The following ZCCHC14 variants were observed in gnomAD, a reference collection of about 807,000 sequenced individuals.
ZCCHC14 encodes the protein zinc finger CCHC-type containing 14, also known as zinc finger CCHC domain-containing protein 14.
Under a neutral mutation model 85.0 loss-of-function variants are expected in ZCCHC14, and 16 were observed. The ratio of observed to expected loss-of-function variants is 0.19; its 90% confidence interval spans 0.13 to 0.29. ZCCHC14 has a LOEUF of 0.29. Ranked by LOEUF, ZCCHC14 falls within the 10% of genes least tolerant of loss-of-function variation. The probability of loss-of-function intolerance (pLI) is 1.00; values close to 1 mark genes in which losing one functional copy is unlikely to be tolerated. For synonymous variants in ZCCHC14, 775 were observed against 630.7 expected (o/e 1.23, Z -3.43); for missense variants, 1,303 against 1,443.5 (o/e 0.90, Z 1.58).
intron 1 of ZCCHC14, among the ~76,000 whole-genome samples, chr16:87,475,026 A>C (rs745353842): frequency 6.6e-6 from 1 of 152,232 alleles, no homozygotes; most frequent in Non-Finnish European, 1.5e-5. Context: ...CAGATCACTC[A>C]CAAAATCCAA....
intron 1 of ZCCHC14, among the ~76,000 whole-genome samples, chr16:87,476,869 G>A (rs1228498973): frequency 1.3e-5 from 2 of 151,942 alleles, no homozygotes; most frequent in African/African-American, 2.4e-5. Flanking sequence ...GCTCGTGCCT[G>A]TAATCCCAGC....
chr16:87,421,483 AG>A (rs1377954908), intron 4 of ZCCHC14, among the ~76,000 whole-genome samples: 8 of 152,170 alleles, frequency 5.3e-5, no homozygotes. Context: ...CAAGGCACTG[AG>A]GAAGTGCCAC....
intron 2 of ZCCHC14, among the ~76,000 whole-genome samples, chr16:87,456,871 CAA>C (rs1453156899): frequency 6.6e-6 from 1 of 152,160 alleles, no homozygotes; most frequent in East Asian, 1.9e-4. Context: ...GGTATATAAA[CAA>C]GTTTAATGAA....
In ZCCHC14 at chr16:87,412,909, G is replaced by A; in HGVS notation, c.1812C>T (p.Ser604=). 1 of 1,601,512 alleles carries A rather than the reference G, an allele frequency of 6.2e-7. No individual in the cohort carries two copies. The change falls in exon 12 of 13, where the codon TCC becomes TCT. Residue 604 remains serine, a synonymous_variant. Coordinates refer to ENST00000671377, the MANE Select transcript of ZCCHC14 (RefSeq NM_015144.3). ...KPVMLLNHFT[S]SSARPTAQVL... The stretch of plus-strand genomic sequence containing the variant: ...CCTGGGCCGTGGGTCTGGCGGAACT[G>A]GAAGTGAAGTGATTCAGCAGCATCA...
At chr16:87,481,543 G>A (rs1195664940) in intron 1 of ZCCHC14, among the ~76,000 whole-genome samples, 1 of 16,774 alleles carries the variant, frequency 6.0e-5, no homozygotes. Context: ...GGGGGGGGGT[G>A]GGGGGGGGGA....
At position 87,412,959 on chromosome 16, in the gene ZCCHC14, C is replaced by A; in HGVS notation, c.1762G>T (p.Glu588Ter). Residue 588 changes from glutamate (E) to a stop codon, truncating the protein, a stop_gained, in exon 12 of 13, where the codon GAG becomes TAG. Transcript: ENST00000671377. LOFTEE classifies it high-confidence loss of function. ...ENDRRVEIHLESSDKEKPVML... is the reference protein window; with the variant it reads ...ENDRRVEIHL The stretch of plus-strand genomic sequence containing the variant: ...ACCGGCTTCTCCTTGTCAGAGCTCT[C>A]CAAGTGAATCTCCACACCTAGAGAG... 1.2e-6 allele frequency: 2 copies of A among 1,610,412 alleles called. No individual in the cohort carries two copies. Among genetic ancestry groups the A allele is most frequent in the Non-Finnish European group, 1.7e-6 (2 of 1,178,138 alleles).
intron 1 of ZCCHC14, among the ~76,000 whole-genome samples, chr16:87,469,466 G>A (rs891022351): frequency 2.0e-5 from 3 of 152,194 alleles, no homozygotes; most frequent in African/African-American, 4.8e-5. Flanking sequence ...GGAGGCGAGC[G>A]GAGCACAGCG....
intron 2 of ZCCHC14, among the ~76,000 whole-genome samples, 168 bp downstream of exon 2, chr16:87,459,840 T>G (rs529207613): frequency 2.6e-4 from 39 of 152,284 alleles, no homozygotes; most frequent in African/African-American, 8.9e-4. Flanking sequence ...AATTGAGATT[T>G]TTACAGCCAA....
chr16:87,413,873 G>A (rs753776200), intron 10 of ZCCHC14, among the ~76,000 whole-genome samples: 7 of 152,130 alleles, frequency 4.6e-5, no homozygotes, highest in South Asian at 2.1e-4. Context: ...CCACGCGCTC[G>A]CTCTCACTGT....
intron 1 of ZCCHC14, chr16:87,470,797 T>C (rs1420930404): frequency 6.6e-6 from 1 of 152,244 alleles, no homozygotes; most frequent in East Asian, 1.9e-4. Context: ...CGTACATCAG[T>C]TGTGTGCAAA....
chr16:87,433,335 T>C, intron 2 of ZCCHC14, 134 bp from the exon 3 acceptor site: 1 of 788,034 alleles, frequency 1.3e-6, no homozygotes, highest in Non-Finnish European at 2.0e-6. Context: ...TTTGGTGGCA[T>C]CTCACCTAGA....
In ZCCHC14 at chr16:87,413,146, G is replaced by A. The variant is rs1182713652; in HGVS notation, c.1653C>T (p.Gly551=). The stretch of plus-strand genomic sequence containing the variant: ...AGGAGCTGGAGTACTCCGAGGAACT[G>A]CCTTCCCGGGGCAGCTGGTGATGGG... ...EQPHHQLPRE[G]SSSEYSSSSS... Residue 551 remains glycine, a synonymous_variant, in exon 11 of 13, where the codon GGC becomes GGT. Transcript: ENST00000671377. 2 of 1,607,412 alleles carry A rather than the reference G, an allele frequency of 1.2e-6. No homozygotes were observed. Among genetic ancestry groups the A allele is most frequent in the Non-Finnish European group, 1.7e-6 (2 of 1,177,088 alleles).
In ZCCHC14 at chr16:87,417,538, C is replaced by T; in HGVS notation, c.1305G>A (p.Gln435=). Residue 435 remains glutamine, a synonymous_variant, in exon 8 of 13, where the codon CAG becomes CAA. Transcript: ENST00000671377. ...TCCTAAGCCAGTCTAGAATCCCATT[C>T]TGCTCCTGGGTCTGAGGGGTCTGCA... The part of the protein sequence containing the change: ...SSLQTPQTQE[Q]NGILDWLRKL... 6.2e-7 allele frequency: 1 copy of T among 1,614,278 alleles called. No individual in the cohort carries two copies. Among genetic ancestry groups the T allele is most frequent in the East Asian group, 2.2e-5 (1 of 44,890 alleles).
intron 4 of ZCCHC14, among the ~76,000 whole-genome samples, chr16:87,421,415 G>A (rs1029816801): frequency 5.3e-5 from 8 of 152,184 alleles, no homozygotes; most frequent in African/African-American, 9.6e-5. Flanking sequence ...GCTCCTGGAA[G>A]AAGGGGAAAA....
In ZCCHC14 at chr16:87,412,062, C is replaced by T. The variant is rs374516838; in HGVS notation, c.2659G>A (p.Gly887Ser). ...ESSFYSSSGG[G>S]GSTGNIPASN... ...GCAGGAATGTTTCCTGTGGAGCCGC[C>T]ACCGCCACTGCTGCTATAGAAACTG... The change falls in exon 12 of 13, where the codon GGC becomes AGC. Residue 887 changes from glycine (G) to serine (S), a missense_variant. Physicochemically the swap from Gly to Ser is moderately conservative, Grantham distance 56. This residue lies in a region of ZCCHC14 where 797 missense variants were observed against 730.8 expected (regional missense o/e 1.09). Coordinates refer to ENST00000671377, the MANE Select transcript of ZCCHC14 (RefSeq NM_015144.3). The T allele has an allele frequency of 3.1e-6, 5 of 1,608,508 alleles. No individual in the cohort carries two copies. The African/African-American group carries it at 4.0e-5, about 13-fold the overall frequency.
At position 87,490,310 on chromosome 16, in the gene ZCCHC14, T is replaced by G. The variant is rs1199016613; in HGVS notation, c.570+1359A>C. On this transcript the variant is annotated intron_variant, in intron 1 of 12. Transcript: ENST00000671377. ...AGCCACTCATAAAAGCAAAGTCTTA[T>G]CAAAGTTTTAACTTCAAAGAGCTTA... Among the ~76,000 whole-genome samples, 5 of 152,350 alleles carry G rather than the reference T, an allele frequency of 3.3e-5. No individual in the cohort carries two copies. The East Asian group carries it at 7.7e-4, about 23-fold the overall frequency.
intron 2 of ZCCHC14, among the ~76,000 whole-genome samples, chr16:87,458,532 C>A (rs1034267546): frequency 6.6e-6 from 1 of 152,156 alleles, no homozygotes; most frequent in Admixed American, 6.5e-5. Context: ...CATACCATAC[C>A]GTGCTCATTA....
intron 4 of ZCCHC14, among the ~76,000 whole-genome samples, chr16:87,422,854 G>A (rs1909173673): frequency 1.3e-5 from 2 of 152,166 alleles, no homozygotes; most frequent in South Asian, 4.1e-4. Context: ...ACTACACACA[G>A]AGGCGAGGAG....
chr16:87,476,664 T>C (rs911818840), intron 1 of ZCCHC14, among the ~76,000 whole-genome samples: 1 of 142,766 alleles, frequency 7.0e-6, no homozygotes, highest in Admixed American at 7.7e-5. Flanking sequence ...AATGAAGTTT[T>C]AGAAATGGCA....
Sources: allele counts gnomAD v4.1 joint callset (sites outside exome capture counted in the v4.1 genomes callset), GRCh38; gene constraint gnomAD v4.1.1; regional missense constraint gnomAD v4.1.1; transcripts MANE v1.5; gene names NCBI Gene and HGNC (gene_info 2026-07-23, HGNC 2026-07-21).